WHRN: variants seen among roughly 807,000 people sequenced by gnomAD.
The protein encoded by WHRN is whirlin.
Under a neutral mutation model 68.3 loss-of-function variants are expected in WHRN, and 41 were observed. The ratio of observed to expected loss-of-function variants is 0.60; its 90% CI spans 0.47 to 0.78. WHRN has a LOEUF of 0.78. Among genes scored for constraint, WHRN ranks in the 30% least tolerant of loss-of-function variants. WHRN has a pLI of 0.00. For missense variants in WHRN, 1,243 were observed against 1,244.7 expected (o/e 1.00, Z 0.02); for synonymous variants, 560 against 561.3 (o/e 1.00, Z 0.03).
Position 114,403,888 on chromosome 9 carries a change from T to C in WHRN, c.2418+8A>G, listed in dbSNP as rs1229063596. ...TCAGCCCTCTGCATCCTCCTCCTCC[T>C]GGCTCACCGGTTTGTTGGCCCCATC... On this transcript the variant is annotated splice_region_variant and intron_variant, in intron 10 of 11. Coordinates refer to ENST00000362057, the MANE Select transcript of WHRN (RefSeq NM_015404.4). 1 of 1,610,154 alleles carries C rather than the reference T, an allele frequency of 6.2e-7. No individual in the cohort carries two copies. The highest frequency in any genetic ancestry group is 8.5e-7 in the Non-Finnish European group (1 of 1,180,004).
chr9:114,501,132 TGCAGCAGG>T (rs1268025985), intron 1 of WHRN, among the ~76,000 whole-genome samples: 2 of 152,204 alleles, frequency 1.3e-5, no homozygotes, highest in Non-Finnish European at 2.9e-5. Flanking sequence ...ACAGGAAGTA[TGCAGCAGG>T]GCCTAAGGCA....
chr9:114,415,745 TAGA>T (rs1216644093), intron 7 of WHRN, among the ~76,000 whole-genome samples: 5 of 152,158 alleles, frequency 3.3e-5, no homozygotes, highest in South Asian at 2.1e-4. Flanking sequence ...GGCTGCTGCA[TAGA>T]AGAAGGAGTG....
intron 7 of WHRN, among the ~76,000 whole-genome samples, chr9:114,412,617 G>A (rs1835528894): frequency 6.6e-6 from 1 of 152,226 alleles, no homozygotes; most frequent in Non-Finnish European, 1.5e-5. Context: ...AAGATGACCT[G>A]CTGTCATTGT....
chr9:114,453,002 C>T (rs969243891), intron 3 of WHRN, among the ~76,000 whole-genome samples: 1 of 152,228 alleles, frequency 6.6e-6, no homozygotes, highest in Non-Finnish European at 1.5e-5. Context: ...AGACTCTCCA[C>T]ACCTGCTTCC....
At chr9:114,440,944 C>T (rs1198754186) in intron 3 of WHRN, among the ~76,000 whole-genome samples, 2 of 152,214 alleles carry the variant, frequency 1.3e-5, no homozygotes, top group Middle Eastern at 3.4e-3. Flanking sequence ...GAAGTTCTCC[C>T]AAGAAGCAGA....
chr9:114,426,262 G>T lies in WHRN; in HGVS notation c.1115C>A (p.Thr372Asn). The T allele has an allele frequency of 6.2e-7, 1 of 1,613,000 alleles. No individual in the cohort carries two copies. The highest frequency in any genetic ancestry group is 2.2e-5 in the East Asian group (1 of 44,878). Reference sequence around the variant, plus strand: ...GATCCGGGAACTGGCGATCCACTTGGTCTCGTCCACAGTGGTGCGGGCATG... The same window carrying T: ...GATCCGGGAACTGGCGATCCACTTGTTCTCGTCCACAGTGGTGCGGGCATG... ...LPHARTTVDETKWIASSRIRE... is the reference protein window; with the variant it reads ...LPHARTTVDENKWIASSRIRE... Residue 372 changes from threonine to asparagine, a missense_variant, in exon 4 of 12, where the codon ACC (threonine) becomes AAC (asparagine). Transcript: ENST00000362057.
chr9:114,495,522 C>T (rs1003165420), intron 1 of WHRN, among the ~76,000 whole-genome samples: 4 of 151,906 alleles, frequency 2.6e-5, no homozygotes, highest in African/African-American at 4.8e-5. Context: ...AATTTAAGAG[C>T]GAGAGAAAGC....
chr9:114,406,562 TGGG>T lies in WHRN; in HGVS notation c.2026_2028del (p.Pro676del). 6.2e-7 allele frequency: 1 copy of T among 1,611,926 alleles called. No homozygotes were observed. The highest frequency in any genetic ancestry group is 8.5e-7 in the Non-Finnish European group (1 of 1,178,738). ...GACTGGACCCGTGGGAAGGGGCCGA[TGGG>T]GTGTTGGTTGACCAGGGCCAGATGG... On this transcript the variant is annotated inframe_deletion, in exon 9 of 12. Transcript: ENST00000362057.
intron 7 of WHRN, 128 bp from the exon 8 acceptor site, chr9:114,408,146 A>C: frequency 1.3e-6 from 1 of 750,190 alleles, no homozygotes; most frequent in Non-Finnish European, 2.4e-6. Flanking sequence ...GCCCTGACAT[A>C]CCTCACTTCA....
chr9:114,416,406 C>T (rs1157740453), intron 7 of WHRN, among the ~76,000 whole-genome samples: 3 of 152,208 alleles, frequency 2.0e-5, no homozygotes, highest in Non-Finnish European at 2.9e-5. Flanking sequence ...GAATTGTAAT[C>T]CCCAGTGTTG....
chr9:114,434,760 T>C (rs540368378), intron 3 of WHRN, among the ~76,000 whole-genome samples: 5 of 152,108 alleles, frequency 3.3e-5, no homozygotes, highest in Non-Finnish European at 5.9e-5. Flanking sequence ...CCCGATACTT[T>C]CCTTATGTAG....
Position 114,403,277 on chromosome 9 carries a change from G to T in WHRN, c.2481C>A (p.Gly827=). ...TGTTGGCGCCACCCTCGATGGCGAT[G>T]CCCAGGGTGGCCGCACTTTTCTTCA... ...VRVKKSAATL[G]IAIEGGANTR... is the part of the protein sequence containing the mutation. The change falls in exon 11 of 12, where the codon GGC becomes GGA. Residue 827 remains glycine, a synonymous_variant. Transcript: ENST00000362057. 2 of 1,614,134 alleles carry T rather than the reference G, an allele frequency of 1.2e-6. No individual in the cohort carries two copies. Among genetic ancestry groups the T allele is most frequent in the Non-Finnish European group, 1.7e-6 (2 of 1,180,024 alleles).
intron 1 of WHRN, chr9:114,503,139 G>GA: frequency 1.0e-6 from 1 of 985,466 alleles, no homozygotes; most frequent in Non-Finnish European, 1.2e-6. Flanking sequence ...CACTCAGGAG[G>GA]AAGTAGTCGT....
chr9:114,424,379 C>A lies in WHRN; in HGVS notation c.1371G>T (p.Glu457Asp). The A allele has an allele frequency of 1.9e-6, 3 of 1,612,548 alleles. No homozygotes were observed. The highest frequency in any genetic ancestry group is 2.5e-6 in the Non-Finnish European group (3 of 1,180,014). The stretch of plus-strand genomic sequence containing the variant: ...GCTTGAACAGGGCCATGACGAGGGC[C>A]TCCACAGAGACGCTGCCACCACGGT... ...DEYRGGSVSV[E>D]ALVMALFKLL... Residue 457 changes from glutamate to aspartate, a missense_variant, in exon 6 of 12, where the codon GAG becomes GAT. Transcript: ENST00000362057.
intron 3 of WHRN, among the ~76,000 whole-genome samples, chr9:114,443,173 A>G (rs1838527265): frequency 6.6e-6 from 1 of 152,238 alleles, no homozygotes; most frequent in South Asian, 2.1e-4. Flanking sequence ...AGTGCCTCCC[A>G]AGGGGAAGAG....
rs548320141 is a variant in WHRN, at chr9:114,422,651, T to C, written c.1626+663A>G. Among the ~76,000 whole-genome samples, 3 of 152,138 alleles carry C rather than the reference T, an allele frequency of 2.0e-5. No homozygotes were observed. In the South Asian group the frequency reaches 6.2e-4, roughly 32 times the overall value. ...GAGTTCGAGACCAGCCTGGCTAACA[T>C]GGCAAAACCCCGTCTCTACCCAAAA... On this transcript the variant is annotated intron_variant, in intron 7 of 11. Coordinates refer to ENST00000362057, the MANE Select transcript of WHRN (RefSeq NM_015404.4).
chr9:114,474,284 C>T (rs1841472611), intron 2 of WHRN, among the ~76,000 whole-genome samples: 2 of 152,158 alleles, frequency 1.3e-5, no homozygotes, highest in South Asian at 4.1e-4. Flanking sequence ...CCATCCTCAC[C>T]CCTCTTGAAA....
In WHRN at chr9:114,403,605, C is replaced by T. The variant is rs543795526; in HGVS notation, c.2419-266G>A. On this transcript the variant is annotated intron_variant, in intron 10 of 11. Transcript: ENST00000362057. ...CAGGACTTGAATCGAAGCCTGACTC[C>T]GAAGACTGTCTCAGCCACCTGGCCA... Among the ~76,000 whole-genome samples the T allele has an allele frequency of 5.3e-5, 8 of 152,342 alleles. No individual in the cohort carries two copies. In the East Asian group the frequency reaches 5.8e-4, roughly 11 times the overall value.
intron 2 of WHRN, among the ~76,000 whole-genome samples, chr9:114,474,248 C>T (rs1160133535): frequency 6.6e-6 from 1 of 152,188 alleles, no homozygotes; most frequent in Non-Finnish European, 1.5e-5. Context: ...TTACTGGCTC[C>T]AGAAGTTCTT....
Sources: gnomAD v4.1 joint callset for allele counts (sites outside exome capture counted in the v4.1 genomes callset) on GRCh38, gnomAD v4.1.1 for gene constraint, MANE v1.5 for transcripts, NCBI Gene and HGNC (gene_info 2026-07-23, HGNC 2026-07-21) for gene names.